Variants in SRP72 observed in about 807,000 individuals in gnomAD.
SRP72 encodes signal recognition particle subunit SRP72.
Under a neutral mutation model 96.3 loss-of-function variants are expected in SRP72, and 49 were observed. The observed-to-expected ratio is 0.51, with a 90% confidence interval of 0.40 to 0.65. The LOEUF is 0.65. Ranked by LOEUF, SRP72 falls within the 30% of genes least tolerant of loss-of-function variation. The pLI, the probability that SRP72 is intolerant of heterozygous loss-of-function variation, is 0.00. For missense variants in SRP72, 736 were observed against 793.3 expected, an observed-to-expected ratio of 0.93 and a Z score of 0.87; for synonymous variants, 267 against 275.2, an observed-to-expected ratio of 0.97 and a Z score of 0.30.
Position 56,502,509 on chromosome 4 carries a change from AT to A in SRP72, c.*649del. On this transcript the variant is annotated 3_prime_UTR_variant, in exon 19 of 19. Transcript: ENST00000642900. ...TATATATATATACATATATATATAT[AT>A]ATAAACATGAAATATATATATATGG... is the stretch of plus-strand genomic sequence containing the variant. The A allele has an allele frequency of 7.1e-6, 1 of 141,766 alleles. No homozygotes were observed. Among genetic ancestry groups the A allele is most frequent in the East Asian group, 2.1e-4 (1 of 4,736 alleles). 8.8% of individuals were successfully genotyped at this position (141,766 alleles called of 1,614,324 possible).
At position 56,483,225 on chromosome 4, in the gene SRP72, A is replaced by G. The variant is rs774349485; in HGVS notation, c.912A>G (p.Gln304=). 8.1e-6 allele frequency: 13 copies of G among 1,612,666 alleles called. No homozygotes were observed. The highest frequency in any genetic ancestry group is 1.1e-5 in the Non-Finnish European group (13 of 1,179,792). Residue 304 remains glutamine, a synonymous_variant, in exon 9 of 19, where the codon CAA becomes CAG. Coordinates refer to ENST00000642900, the MANE Select transcript of SRP72 (RefSeq NM_006947.4). ...TTAAGCTTTCCAAGAAACAACTACA[A>G]GCTATAGAATTTAACAAAGCTTTAC... is the stretch of plus-strand genomic sequence containing the variant. ...VEFKLSKKQL[Q]AIEFNKALLA...
intron 17 of SRP72, among the ~76,000 whole-genome samples, chr4:56,496,302 T>C (rs937761223): frequency 4.6e-5 from 7 of 152,204 alleles, no homozygotes; most frequent in Admixed American, 3.9e-4. Context: ...CCATCTGTTT[T>C]CCAGCTACCA....
At chr4:56,468,220 C>G (rs1305436709) in intron 1 of SRP72, among the ~76,000 whole-genome samples, 1 of 152,066 alleles carries the variant, frequency 6.6e-6, no homozygotes, top group Non-Finnish European at 1.5e-5. Context: ...CTGGTGCTAA[C>G]CAGGTGGAAG....
intron 13 of SRP72, 42 bp from the exon 14 acceptor site, chr4:56,490,291 A>ATT: frequency 1.3e-6 from 2 of 1,521,916 alleles, no homozygotes; most frequent in Non-Finnish European, 1.8e-6. Context: ...CTTGCTAGAT[A>ATT]TTTAACTTGA....
chr4:56,474,066 G>T lies in SRP72; in HGVS notation c.367G>T (p.Glu123Ter), dbSNP rs371395066. The T allele has an allele frequency of 5.6e-6, 9 of 1,613,530 alleles. No individual in the cohort carries two copies. The highest frequency in any genetic ancestry group is 6.8e-6 in the Non-Finnish European group (8 of 1,179,852). Residue 123 changes from glutamate to a stop codon, truncating the protein, a stop_gained, in exon 4 of 19, where the codon GAA becomes TAA. Coordinates refer to ENST00000642900, the MANE Select transcript of SRP72 (RefSeq NM_006947.4). LOFTEE classifies it high-confidence loss of function. ...ELYGQVLYRL[E>*]RYDECLAVYR... ...ATTTATTATTCAGTTATACCGTTTGGAACGCTATGATGAATGCTTAGCAGT... is the reference window on the plus strand; with the variant it reads ...ATTTATTATTCAGTTATACCGTTTGTAACGCTATGATGAATGCTTAGCAGT...
In SRP72 at chr4:56,490,357, T is replaced by C. The variant is rs1297539219; in HGVS notation, c.1345T>C (p.Leu449=). 1 of 1,613,754 alleles carries C rather than the reference T, an allele frequency of 6.2e-7. No individual in the cohort carries two copies. The highest frequency in any genetic ancestry group is 1.7e-5 in the Admixed American group (1 of 59,952). The change falls in exon 14 of 19, where the codon TTG becomes CTG. Residue 449 remains leucine (L), a synonymous_variant. Transcript: ENST00000642900. ...GCCAAAATCTCCTGCTCATTTGTCC[T>C]TGATAAGAGAAGCTGCAAACTTCAA... ...HQPKSPAHLS[L]IREAANFKLK...
chr4:56,485,400 CA>C (rs59208269), intron 10 of SRP72, among the ~76,000 whole-genome samples: 4,032 of 92,380 alleles, frequency 0.044, 144 homozygotes, highest in East Asian at 0.25. Flanking sequence ...CTCCCCACAG[CA>C]AAAAAAAAAA....
chr4:56,495,476 A>C (rs944084323), intron 17 of SRP72, 82 bp downstream of exon 17: 35 of 843,424 alleles, frequency 4.1e-5, no homozygotes, highest in Non-Finnish European at 5.8e-5. Context: ...TTTGGACATA[A>C]ATATACTGCC....
In SRP72 at chr4:56,490,364, G is replaced by C; in HGVS notation, c.1352G>C (p.Arg451Thr). ...PKSPAHLSLI[R>T]EAANFKLKYG... ...TCTCCTGCTCATTTGTCCTTGATAA[G>C]AGAAGCTGCAAACTTCAAACTCAAA... Residue 451 changes from arginine (R) to threonine (T), a missense_variant, in exon 14 of 19, where the codon AGA becomes ACA. Physicochemically the swap from Arg to Thr is moderately conservative, Grantham distance 71. Around this residue, in one of 3 missense-constraint regions of SRP72, gnomAD observed 388 missense variants for 431.8 expected, o/e 0.90. Transcript: ENST00000642900. 1 of 1,613,724 alleles carries C rather than the reference G, an allele frequency of 6.2e-7. No individual in the cohort carries two copies. Among genetic ancestry groups the C allele is most frequent in the Non-Finnish European group, 8.5e-7 (1 of 1,179,916 alleles).
chr4:56,498,232 T>G (rs571401569), intron 17 of SRP72, among the ~76,000 whole-genome samples: 1 of 152,212 alleles, frequency 6.6e-6, no homozygotes, highest in South Asian at 2.1e-4. Context: ...CACCCCTTCA[T>G]GCTAAAAACT....
chr4:56,477,070 T>G, intron 6 of SRP72: 2 of 175,912 alleles, frequency 1.1e-5, no homozygotes, highest in Non-Finnish European at 2.4e-5. Flanking sequence ...GTTTTTCTTT[T>G]TAAGTGTAAC....
intron 3 of SRP72, among the ~76,000 whole-genome samples, chr4:56,472,875 A>G (rs1210226920): frequency 6.6e-6 from 1 of 152,156 alleles, no homozygotes; most frequent in Non-Finnish European, 1.5e-5. Context: ...ATAATGGACT[A>G]ATTGACCTAG....
At position 56,473,634 on chromosome 4, in the gene SRP72, G is replaced by A. The variant is rs552898412; in HGVS notation, c.355-420G>A. 5.3e-5 allele frequency among the ~76,000 whole-genome samples: 8 copies of A among 151,248 alleles called. No individual in the cohort carries two copies. The East Asian group carries it at 1.6e-3, about 29-fold the overall frequency. On this transcript the variant is annotated intron_variant, in intron 3 of 18. Transcript: ENST00000642900. ...TACAAAATTAGCCAGGCATGGTGGC[G>A]CACGTCTGTAATCTCAGCTACTCGG... is the stretch of plus-strand genomic sequence containing the variant.
intron 5 of SRP72, among the ~76,000 whole-genome samples, chr4:56,474,803 G>A (rs1469364024): frequency 6.6e-6 from 1 of 152,154 alleles, no homozygotes; most frequent in Non-Finnish European, 1.5e-5. Context: ...TTGTGCCTCA[G>A]CCTCCCAAGT....
At position 56,490,420 on chromosome 4, in the gene SRP72, C is replaced by G; in HGVS notation, c.1408C>G (p.Leu470Val). Reference protein sequence around the residue: ...YGRKKEAISDLQQLWKQNPKD... With the variant: ...YGRKKEAISDVQQLWKQNPKD... Reference sequence around the variant, plus strand: ...GCGGAAGAAGGAGGCAATTAGTGACCTACAACAGCTGTGGAAGTAAGCTCT... The same window carrying G: ...GCGGAAGAAGGAGGCAATTAGTGACGTACAACAGCTGTGGAAGTAAGCTCT... The change falls in exon 14 of 19, where the codon CTA becomes GTA. Residue 470 changes from leucine (L) to valine (V), a missense_variant. By Grantham distance (32) the Leu-to-Val change is conservative. Transcript: ENST00000642900. 1.2e-6 allele frequency: 2 copies of G among 1,613,768 alleles called. No individual in the cohort carries two copies. The highest frequency in any genetic ancestry group is 2.2e-5 in the South Asian group (2 of 90,972).
At chr4:56,495,224 G>A (rs942308687) in intron 16 of SRP72, 133 bp from the exon 17 acceptor site, 3 of 461,042 alleles carry the variant, frequency 6.5e-6, no homozygotes, top group Middle Eastern at 4.9e-4. Context: ...TAATTTGTTA[G>A]CTTTGGTAAG....
At chr4:56,478,838 G>T (rs1720353735) in intron 8 of SRP72, among the ~76,000 whole-genome samples, 189 bp downstream of exon 8, 1 of 152,110 alleles carries the variant, frequency 6.6e-6, no homozygotes. Flanking sequence ...GTATACTCAA[G>T]TAATAAAACC....
At chr4:56,500,381 AC>A (rs1721222417) in intron 17 of SRP72, 154 bp from the exon 18 acceptor site, 1 of 769,316 alleles carries the variant, frequency 1.3e-6, no homozygotes, top group African/African-American at 1.8e-5. Context: ...AAAAAAAAAG[AC>A]CATTTCGCCT....
At chr4:56,500,472 G>T in intron 17 of SRP72, 64 bp from the exon 18 acceptor site, 1 of 1,519,720 alleles carries the variant, frequency 6.6e-7, no homozygotes, top group South Asian at 1.2e-5. Flanking sequence ...TAGAGACATC[G>T]TTTAAACAAA....
Sources: allele counts gnomAD v4.1 joint callset (sites outside exome capture counted in the v4.1 genomes callset), GRCh38; gene constraint gnomAD v4.1.1; regional missense constraint gnomAD v4.1.1; transcripts MANE v1.5; gene names NCBI Gene and HGNC (gene_info 2026-07-23, HGNC 2026-07-21).